TCF7L1: variants seen among roughly 807,000 people sequenced by gnomAD.
TCF7L1 encodes the protein transcription factor 7-like 1.
Under a neutral mutation model 63.7 loss-of-function variants are expected in TCF7L1, and 18 were observed. The ratio of observed to expected loss-of-function variants is 0.28; its 90% confidence interval spans 0.20 to 0.42. The LOEUF (loss-of-function observed/expected upper bound fraction) is 0.42, where lower values mean the gene tolerates loss of function less well. TCF7L1 is among the 10% of genes least tolerant of loss of function. The pLI is 1.00. For missense variants in TCF7L1, 654 were observed against 779.3 expected, an observed-to-expected ratio of 0.84 and a Z score of 1.91; for synonymous variants, 355 against 340.9, an observed-to-expected ratio of 1.04 and a Z score of -0.46.
At chr2:85,153,807 G>A (rs1415330195) in intron 3 of TCF7L1, among the ~76,000 whole-genome samples, 2 of 152,126 alleles carry the variant, frequency 1.3e-5, no homozygotes, top group Non-Finnish European at 2.9e-5. Flanking sequence ...CACAAAGTCT[G>A]CCTTCTTTCT....
chr2:85,306,419 G>C lies in TCF7L1; in HGVS notation c.1150-33G>C. On this transcript the variant is annotated intron_variant, in intron 9 of 11. Coordinates refer to ENST00000282111, the MANE Select transcript of TCF7L1 (RefSeq NM_031283.3). The surrounding 1 kb of genome is among the most constrained non-coding windows in gnomAD (Gnocchi z 4.3). ...GGGAGGCAGCGTCCCTGCATTGATG[G>C]CTCCGTGTGGTCTCTGACCCTCTCT... The C allele has an allele frequency of 6.2e-7, 1 of 1,613,704 alleles. No homozygotes were observed. Among genetic ancestry groups the C allele is most frequent in the South Asian group, 1.1e-5 (1 of 91,070 alleles).
At position 85,133,946 on chromosome 2, in the gene TCF7L1, C is replaced by T. The variant is rs774539777; in HGVS notation, c.249+13C>T. On this transcript the variant is annotated intron_variant, in intron 1 of 11. Transcript: ENST00000282111. This position sits in a 1 kb window ranked among gnomAD's most constrained non-coding sequence, Gnocchi z 4.4. Reference sequence around the variant, plus strand: ...CTCGGACTCGGAGGTAAGGAAGCACCGCGGCCACCCCCGGGGGATCCCGGC... The same window carrying T: ...CTCGGACTCGGAGGTAAGGAAGCACTGCGGCCACCCCCGGGGGATCCCGGC... The T allele has an allele frequency of 1.9e-6, 3 of 1,547,500 alleles. No individual in the cohort carries two copies. The East Asian group carries it at 7.2e-5, about 37-fold the overall frequency.
intron 3 of TCF7L1, among the ~76,000 whole-genome samples, chr2:85,211,879 C>T (rs944949072): frequency 5.9e-5 from 9 of 152,084 alleles, no homozygotes; most frequent in Non-Finnish European, 8.8e-5. Context: ...CACCTGAGGT[C>T]AGGAATTCAA....
At chr2:85,161,082 G>A (rs367655887) in intron 3 of TCF7L1, among the ~76,000 whole-genome samples, 1 of 152,284 alleles carries the variant, frequency 6.6e-6, no homozygotes, top group African/African-American at 2.4e-5. Flanking sequence ...AGGATTTACC[G>A]TATGCCTTGT....
At chr2:85,184,851 C>G (rs577473989) in intron 3 of TCF7L1, among the ~76,000 whole-genome samples, 1 of 151,862 alleles carries the variant, frequency 6.6e-6, no homozygotes, top group Admixed American at 6.6e-5. Context: ...TTTGGCCAGG[C>G]GGGCTGGGCT....
intron 3 of TCF7L1, among the ~76,000 whole-genome samples, chr2:85,191,681 T>C (rs1020104745): frequency 2.0e-5 from 3 of 151,824 alleles, no homozygotes; most frequent in Non-Finnish European, 2.9e-5. Flanking sequence ...AAAGATTAGG[T>C]GGGTGTGGTG....
At chr2:85,230,424 C>T (rs563570072) in intron 3 of TCF7L1, among the ~76,000 whole-genome samples, 1 of 150,804 alleles carries the variant, frequency 6.6e-6, no homozygotes, top group East Asian at 2.0e-4. Context: ...ACCTCCACCT[C>T]CTGGGTTCAA....
chr2:85,215,280 C>T (rs186991888), intron 3 of TCF7L1, among the ~76,000 whole-genome samples: 31 of 152,282 alleles, frequency 2.0e-4, no homozygotes, highest in African/African-American at 6.0e-4. Flanking sequence ...GTGGTGAGTC[C>T]GTAGCAGGTG....
At chr2:85,203,046 A>G (rs941521640) in intron 3 of TCF7L1, among the ~76,000 whole-genome samples, 4 of 152,292 alleles carry the variant, frequency 2.6e-5, no homozygotes, top group East Asian at 1.9e-4. Context: ...CATGTTAGCC[A>G]GGATGGTCTT....
At chr2:85,307,866 T>A in intron 11 of TCF7L1, 149 bp downstream of exon 11, 1 of 659,500 alleles carries the variant, frequency 1.5e-6, no homozygotes, top group Non-Finnish European at 2.7e-6. Context: ...GGTGGCCACT[T>A]AAGAGGCTCT....
intron 3 of TCF7L1, among the ~76,000 whole-genome samples, chr2:85,174,728 A>G (rs959060262): frequency 5.3e-5 from 8 of 151,988 alleles, no homozygotes; most frequent in Non-Finnish European, 1.0e-4. Flanking sequence ...GACAACCATC[A>G]TTTCTCTTCA....
rs114890294 is a variant in TCF7L1, at chr2:85,163,042, G to A, written c.441+28592G>A. On this transcript the variant is annotated intron_variant, in intron 3 of 11. Coordinates refer to ENST00000282111, the MANE Select transcript of TCF7L1 (RefSeq NM_031283.3). ...TAAAATAAACACAAAATGCACTCTC[G>A]CCGGATTCTGAGAAGGAAAGGCCCT... 6.0e-3 allele frequency among the ~76,000 whole-genome samples: 909 copies of A among 152,142 alleles called. 10 individuals carry two copies. Among genetic ancestry groups the A allele is most frequent in the African/African-American group, 0.021 (858 of 41,500 alleles).
rs1373640819 is a variant in TCF7L1 at position 85,134,283 on chromosome 2, C to T, written c.314-40C>T. ...CCCCCTGCCGCGGCGCTGTCAGTCCCGGGGGCCTGGGCCTCACCTCGCCTT... is the reference window on the plus strand; with the variant it reads ...CCCCCTGCCGCGGCGCTGTCAGTCCTGGGGGCCTGGGCCTCACCTCGCCTT... On this transcript the variant is annotated intron_variant, in intron 2 of 11. Coordinates refer to ENST00000282111, the MANE Select transcript of TCF7L1 (RefSeq NM_031283.3). This position sits in a 1 kb window ranked among gnomAD's most constrained non-coding sequence, Gnocchi z 5.0. 3.2e-6 allele frequency: 5 copies of T among 1,547,990 alleles called. No homozygotes were observed. The Admixed American group carries it at 9.8e-5, about 30-fold the overall frequency.
intron 3 of TCF7L1, among the ~76,000 whole-genome samples, chr2:85,210,583 G>T (rs1679518719): frequency 6.6e-6 from 1 of 152,212 alleles, no homozygotes; most frequent in Non-Finnish European, 1.5e-5. Context: ...GGTTTCACCA[G>T]GCCATTGAAG....
intron 4 of TCF7L1, among the ~76,000 whole-genome samples, chr2:85,299,692 C>T (rs1196295657): frequency 6.6e-6 from 1 of 151,734 alleles, no homozygotes; most frequent in Non-Finnish European, 1.5e-5. Flanking sequence ...CATGGTGAAA[C>T]CGCGTCTCTA....
At chr2:85,280,624 G>T (rs1275025548) in intron 3 of TCF7L1, among the ~76,000 whole-genome samples, 2 of 152,186 alleles carry the variant, frequency 1.3e-5, no homozygotes, top group Non-Finnish European at 2.9e-5. Flanking sequence ...ATAGATTTGG[G>T]ATACTTCTCT....
chr2:85,308,676 A>C (rs1682200850), intron 11 of TCF7L1, among the ~76,000 whole-genome samples: 1 of 151,816 alleles, frequency 6.6e-6, no homozygotes, highest in Non-Finnish European at 1.5e-5. Flanking sequence ...TTCAGCAGGC[A>C]TGCACTCTCT....
intron 3 of TCF7L1, among the ~76,000 whole-genome samples, chr2:85,256,876 G>A (rs1263304450): frequency 6.6e-6 from 1 of 151,978 alleles, no homozygotes; most frequent in Non-Finnish European, 1.5e-5. Flanking sequence ...CCAGCCACTC[G>A]GGAAGCTGAG....
At chr2:85,290,810 A>AG (rs932408249) in intron 4 of TCF7L1, among the ~76,000 whole-genome samples, 2 of 152,192 alleles carry the variant, frequency 1.3e-5, no homozygotes, top group African/African-American at 4.8e-5. Flanking sequence ...GTCTAAAGGC[A>AG]GTCTGCTAGC....
Sources: allele counts gnomAD v4.1 joint callset (sites outside exome capture counted in the v4.1 genomes callset), GRCh38; gene constraint gnomAD v4.1.1; non-coding constraint Gnocchi (gnomAD v3.1); transcripts MANE v1.5; gene names NCBI Gene and HGNC (gene_info 2026-07-23, HGNC 2026-07-21).